The following DIAPH3 variants were observed in gnomAD, a reference collection of about 807,000 sequenced individuals.
DIAPH3 encodes the protein protein diaphanous homolog 3.
Under a neutral mutation model 144.3 loss-of-function variants are expected in DIAPH3, and 117 were observed. The observed-to-expected ratio is 0.81, with a 90% confidence interval of 0.70 to 0.95. DIAPH3 has a LOEUF of 0.95. Ranked by LOEUF, DIAPH3 falls within the 40% of genes least tolerant of loss-of-function variation. The probability of loss-of-function intolerance (pLI) is 0.00; values close to 1 mark genes in which losing one functional copy is unlikely to be tolerated. For synonymous variants in DIAPH3, 519 were observed against 488.9 expected (o/e 1.06, Z -0.81); for missense variants, 1,421 against 1,412.7 (o/e 1.01, Z -0.09).
chr13:60,149,682 G>C (rs1187117783), intron 1 of DIAPH3, among the ~76,000 whole-genome samples: 2 of 150,866 alleles, frequency 1.3e-5, no homozygotes, highest in Middle Eastern at 3.4e-3. Flanking sequence ...GAGCCCAAGA[G>C]GTGAAGGCTG....
intron 27 of DIAPH3, among the ~76,000 whole-genome samples, chr13:59,737,494 C>T (rs1168011757): frequency 6.6e-6 from 1 of 152,044 alleles, no homozygotes; most frequent in East Asian, 1.9e-4. Flanking sequence ...TATTGTTAAA[C>T]AAAATCAGCA....
intron 4 of DIAPH3, among the ~76,000 whole-genome samples, chr13:60,083,814 G>A (rs1359693091): frequency 6.6e-6 from 1 of 151,960 alleles, no homozygotes; most frequent in African/African-American, 2.4e-5. Context: ...TGAGGTTGGA[G>A]GATCACTTGA....
chr13:59,736,213 C>A (rs552504074), intron 27 of DIAPH3, among the ~76,000 whole-genome samples: 244 of 152,220 alleles, frequency 1.6e-3, no homozygotes, highest in Middle Eastern at 3.4e-3. Flanking sequence ...TGGGTTAATT[C>A]CATGTCTTTG....
chr13:60,008,399 T>G, intron 9 of DIAPH3, 145 bp downstream of exon 9: 1 of 531,736 alleles, frequency 1.9e-6, no homozygotes, highest in East Asian at 3.5e-5. Flanking sequence ...CCGTCTCAAA[T>G]AAATAAATAA....
intron 1 of DIAPH3, among the ~76,000 whole-genome samples, chr13:60,137,738 T>C (rs1470599890): frequency 6.7e-6 from 1 of 148,234 alleles, no homozygotes; most frequent in Non-Finnish European, 1.5e-5. Flanking sequence ...TCCATTAAAA[T>C]TGACTTTTTT....
At chr13:59,738,876 A>G (rs998240422) in intron 27 of DIAPH3, among the ~76,000 whole-genome samples, 1 of 152,170 alleles carries the variant, frequency 6.6e-6, no homozygotes, top group Non-Finnish European at 1.5e-5. Context: ...ATACTGAGAT[A>G]TTTTCCCTAA....
chr13:60,032,183 A>C (rs2054850149), intron 5 of DIAPH3, among the ~76,000 whole-genome samples: 1 of 152,168 alleles, frequency 6.6e-6, no homozygotes, highest in Non-Finnish European at 1.5e-5. Context: ...AGATGCCAGC[A>C]TTGAGTGTCT....
chr13:59,941,610 GA>G (rs2048537740), intron 17 of DIAPH3, among the ~76,000 whole-genome samples: 1 of 152,198 alleles, frequency 6.6e-6, no homozygotes. Flanking sequence ...AGTATGTTTA[GA>G]CAAGTGTGCT....
At chr13:59,688,307 A>T (rs764354223) in intron 27 of DIAPH3, among the ~76,000 whole-genome samples, 1 of 152,058 alleles carries the variant, frequency 6.6e-6, no homozygotes, top group Non-Finnish European at 1.5e-5. Flanking sequence ...TTCCCCAAAC[A>T]TATTAAAAAT....
At chr13:59,729,810 A>ATTTTTTTTTTTTTTTTTTT (rs59987412) in intron 27 of DIAPH3, among the ~76,000 whole-genome samples, 8 of 134,228 alleles carry the variant, frequency 6.0e-5, no homozygotes, top group African/African-American at 2.5e-4. Flanking sequence ...ATACATTAAT[A>ATTTTTTTTTTTTTTTTTTT]TTTTTTTTTT....
intron 27 of DIAPH3, among the ~76,000 whole-genome samples, chr13:59,765,656 T>C (rs560810764): frequency 1.3e-5 from 2 of 152,302 alleles, no homozygotes; most frequent in Non-Finnish European, 2.9e-5. Flanking sequence ...TTTGAAAATC[T>C]GGCTAGTTTT....
chr13:60,069,067 T>G (rs778862505), intron 4 of DIAPH3, among the ~76,000 whole-genome samples: 1 of 152,192 alleles, frequency 6.6e-6, no homozygotes, highest in Non-Finnish European at 1.5e-5. Context: ...CATACTGTTT[T>G]CAACAATGGT....
intron 27 of DIAPH3, among the ~76,000 whole-genome samples, chr13:59,743,207 A>G (rs1779738411): frequency 6.6e-6 from 1 of 152,216 alleles, no homozygotes; most frequent in African/African-American, 2.4e-5. Flanking sequence ...AATGGACAGG[A>G]GGACAACTGG....
chr13:59,731,560 T>C (rs1055265209), intron 27 of DIAPH3, among the ~76,000 whole-genome samples: 1 of 152,182 alleles, frequency 6.6e-6, no homozygotes, highest in African/African-American at 2.4e-5. Context: ...TCTACTTCTG[T>C]ATGACATTTT....
rs1221947431 is a variant in DIAPH3 at position 59,976,275 on chromosome 13, G to T, written c.1546-1819C>A. ...CCAATTCCAGAAGTCCAAATTCCCT[G>T]GACTGCTCTCAGCCTCATCTTAGGT... On this transcript the variant is annotated intron_variant, in intron 14 of 27. Transcript: ENST00000400324. 2.0e-5 allele frequency among the ~76,000 whole-genome samples: 3 copies of T among 151,758 alleles called. No homozygotes were observed. In the Admixed American group the frequency reaches 2.0e-4, roughly 10 times the overall value.
chr13:59,889,370 T>C (rs920716640), intron 20 of DIAPH3, among the ~76,000 whole-genome samples: 1 of 152,126 alleles, frequency 6.6e-6, no homozygotes, highest in East Asian at 1.9e-4. Flanking sequence ...CTGACTCCTC[T>C]GCCATCTCCA....
intron 25 of DIAPH3, among the ~76,000 whole-genome samples, chr13:59,809,045 T>C (rs2040331455): frequency 6.6e-6 from 1 of 152,210 alleles, no homozygotes. Context: ...ATTGGAAGTT[T>C]TATTAGAATT....
At chr13:60,138,781 A>AGAGG (rs374204372) in intron 1 of DIAPH3, among the ~76,000 whole-genome samples, 46,130 of 92,340 alleles carry the variant, frequency 0.5, 11,569 homozygotes, top group Admixed American at 0.61. Flanking sequence ...GAGAAGGAGA[A>AGAGG]GAAGGGGAAG....
intron 24 of DIAPH3, among the ~76,000 whole-genome samples, chr13:59,819,248 A>G (rs1055150420): frequency 1.3e-5 from 2 of 151,890 alleles, no homozygotes; most frequent in Admixed American, 1.3e-4. Context: ...TATTCATTGT[A>G]TTCACCAAGT....
Sources: gnomAD v4.1 joint callset for allele counts (sites outside exome capture counted in the v4.1 genomes callset) on GRCh38, gnomAD v4.1.1 for gene constraint, MANE v1.5 for transcripts, NCBI Gene and HGNC (gene_info 2026-07-23, HGNC 2026-07-21) for gene names.